HK2: variants seen among roughly 807,000 people sequenced by gnomAD.
The protein encoded by HK2 is hexokinase 2, also known as hexokinase-2.
A neutral mutation model predicts 92.9 loss-of-function variants in HK2; 42 were observed. That is an observed-to-expected ratio of 0.45 (90% CI 0.35 to 0.58). HK2 has a LOEUF of 0.58. HK2 is among the 20% of genes least tolerant of loss of function. The probability of loss-of-function intolerance (pLI) is 0.00; values close to 1 mark genes in which losing one functional copy is unlikely to be tolerated. For missense variants in HK2, 978 were observed against 1,245.1 expected (o/e 0.79, Z 3.23); for synonymous variants, 422 against 468.0 (o/e 0.90, Z 1.27).
In HK2 at chr2:74,878,849, A is replaced by G. The variant is rs1372799285; in HGVS notation, c.1193A>G (p.Lys398Arg). The change falls in exon 9 of 18, where the codon AAG (lysine) becomes AGG (arginine). Residue 398 changes from lysine (K) to arginine (R), a missense_variant. Lys to Arg is a conservative substitution (Grantham distance 26, BLOSUM62 2). Transcript: ENST00000290573. ...CTGGCCGCCGTGCTGCAGCGCATCA[A>G]GGAGAACAAAGGCGAGGAGCGGCTG... ...ATLAAVLQRI[K>R]ENKGEERLRS... is the part of the protein sequence containing the mutation. The G allele has an allele frequency of 2.6e-6, 4 of 1,554,076 alleles. No homozygotes were observed. The highest frequency in any genetic ancestry group is 1.2e-5 in the South Asian group (1 of 84,322).
intron 9 of HK2, 139 bp from the exon 10 acceptor site, chr2:74,880,126 G>T (rs947007117): frequency 1.1e-6 from 1 of 892,292 alleles, no homozygotes; most frequent in Non-Finnish European, 1.8e-6. Context: ...GGACAGTGGA[G>T]AGAGGATGTT....
intron 1 of HK2, 133 bp from the exon 2 acceptor site, chr2:74,854,160 T>C: frequency 1.2e-6 from 1 of 869,350 alleles, no homozygotes; most frequent in Non-Finnish European, 1.9e-6. Flanking sequence ...TTCCTACTAA[T>C]GGTCTTTAAT....
Position 74,889,366 on chromosome 2 carries a change from C to A in HK2, c.2497C>A (p.Leu833Ile). The stretch of plus-strand genomic sequence containing the variant: ...TGTGGTGGCCCGGCGGGCAGCCCAG[C>A]TCTGTGGCGCAGGCATGGCCGCTGT... ...CTVVARRAAQ[L>I]CGAGMAAVVD... The change falls in exon 17 of 18, where the codon CTC becomes ATC. Residue 833 changes from leucine to isoleucine, a missense_variant. Transcript: ENST00000290573. 6.2e-7 allele frequency: 1 copy of A among 1,614,196 alleles called. No individual in the cohort carries two copies. Among genetic ancestry groups the A allele is most frequent in the South Asian group, 1.1e-5 (1 of 91,082 alleles).
At chr2:74,889,967 C>T (rs756525453) in intron 17 of HK2, among the ~76,000 whole-genome samples, 3 of 152,172 alleles carry the variant, frequency 2.0e-5, no homozygotes, top group Admixed American at 6.5e-5. Flanking sequence ...TTTTTTCTAT[C>T]GTTGAGGTGA....
chr2:74,882,161 G>T lies in HK2; in HGVS notation c.1761G>T (p.Glu587Asp), dbSNP rs1689411810. 1 of 1,614,194 alleles carries T rather than the reference G, an allele frequency of 6.2e-7. No individual in the cohort carries two copies. The highest frequency in any genetic ancestry group is 2.2e-5 in the East Asian group (1 of 44,870). The change falls in exon 12 of 18, where the codon GAG becomes GAT. Residue 587 changes from glutamate to aspartate, a missense_variant. Transcript: ENST00000290573. The part of the protein sequence containing the change: ...HIVQCIADFL[E>D]YMGMKGVSLP... The stretch of plus-strand genomic sequence containing the variant: ...TCCAGTGCATCGCGGACTTCCTCGA[G>T]TACATGGGCATGAAGGGCGTGTCCC...
At chr2:74,839,559 G>A (rs1171183701) in intron 1 of HK2, among the ~76,000 whole-genome samples, 4 of 151,968 alleles carry the variant, frequency 2.6e-5, no homozygotes, top group African/African-American at 9.7e-5. Flanking sequence ...TTAACCATCC[G>A]TTTGTTTTAT....
chr2:74,853,675 A>G (rs1002806430), intron 1 of HK2, among the ~76,000 whole-genome samples: 1 of 151,678 alleles, frequency 6.6e-6, no homozygotes, highest in Non-Finnish European at 1.5e-5. Context: ...TCCAGCCTGG[A>G]CAACTGGAGC....
intron 10 of HK2, 67 bp downstream of exon 10, chr2:74,880,636 G>A: frequency 1.3e-6 from 2 of 1,486,372 alleles, no homozygotes; most frequent in East Asian, 4.7e-5. Flanking sequence ...ACCCTGGGAG[G>A]GATCCCTTAG....
At position 74,892,780 on chromosome 2, in the gene HK2, C is replaced by G. The variant is rs1299679777; in HGVS notation, c.*1839C>G. ...TGGGTGTAATTAGGTGAAAACAGCC[C>G]AGGTCCTCCCGGGAGCACAGAGGGG... On this transcript the variant is annotated 3_prime_UTR_variant, in exon 18 of 18. Transcript: ENST00000290573. 1.3e-5 allele frequency: 2 copies of G among 152,158 alleles called. No homozygotes were observed. The highest frequency in any genetic ancestry group is 1.3e-4 in the Admixed American group (2 of 15,278). The allele number at this position is 152,158 out of a possible 1,614,324, so 9.4% of individuals were successfully genotyped here. A position where few individuals can be genotyped will look rare whatever the true frequency, so the allele number is the denominator to read the frequency against.
chr2:74,850,463 T>C (rs1482270537), intron 1 of HK2, among the ~76,000 whole-genome samples: 2 of 152,172 alleles, frequency 1.3e-5, no homozygotes, highest in African/African-American at 4.8e-5. Context: ...TGACTATCAA[T>C]TGGGTGGAGA....
intron 3 of HK2, among the ~76,000 whole-genome samples, chr2:74,868,778 C>T (rs977263747): frequency 1.3e-5 from 2 of 152,130 alleles, no homozygotes; most frequent in African/African-American, 4.8e-5. Context: ...AACAAAATAA[C>T]ATCTAAAGTT....
At chr2:74,838,527 G>A (rs953443341) in intron 1 of HK2, among the ~76,000 whole-genome samples, 1 of 149,628 alleles carries the variant, frequency 6.7e-6, no homozygotes, top group Non-Finnish European at 1.5e-5. Flanking sequence ...AGAGATGGAA[G>A]ATTCTTTCTA....
chr2:74,874,019 C>T (rs1689163850), intron 6 of HK2, 76 bp downstream of exon 6: 2 of 1,175,400 alleles, frequency 1.7e-6, no homozygotes, highest in Non-Finnish European at 2.5e-6. Context: ...AGAAGGGGCC[C>T]ATGGGCTGGG....
At chr2:74,852,316 G>A (rs1392540602) in intron 1 of HK2, among the ~76,000 whole-genome samples, 1 of 152,222 alleles carries the variant, frequency 6.6e-6, no homozygotes. Context: ...GGGCCAGTCA[G>A]TGTCTCATTG....
intron 12 of HK2, among the ~76,000 whole-genome samples, chr2:74,883,793 CTTA>C (rs1689458012): frequency 6.6e-6 from 1 of 152,160 alleles, no homozygotes; most frequent in East Asian, 1.9e-4. Flanking sequence ...TGGACCATTA[CTTA>C]TTATAACAAA....
intron 2 of HK2, among the ~76,000 whole-genome samples, chr2:74,866,649 G>C (rs548426295): frequency 1.3e-5 from 2 of 152,296 alleles, no homozygotes; most frequent in South Asian, 4.1e-4. Context: ...ACACATGACA[G>C]TCTTCACCCA....
intron 16 of HK2, among the ~76,000 whole-genome samples, chr2:74,888,918 C>A (rs1001654547): frequency 4.6e-5 from 7 of 152,124 alleles, no homozygotes; most frequent in Non-Finnish European, 7.3e-5. Flanking sequence ...AGAAAATGGA[C>A]ATGAAAGAGC....
chr2:74,873,502 T>C (rs990671329), intron 5 of HK2, 131 bp downstream of exon 5: 2 of 660,012 alleles, frequency 3.0e-6, no homozygotes, highest in African/African-American at 3.6e-5. Flanking sequence ...CCCTGACACA[T>C]GTACTCAATA....
chr2:74,882,714 A>G (rs1380333789), intron 12 of HK2, among the ~76,000 whole-genome samples: 1 of 150,020 alleles, frequency 6.7e-6, no homozygotes, highest in Non-Finnish European at 1.5e-5. Flanking sequence ...TATAAGAGAT[A>G]TGTTTGAATA....
Sources: gnomAD v4.1 joint callset for allele counts (sites outside exome capture counted in the v4.1 genomes callset) on GRCh38, gnomAD v4.1.1 for gene constraint, MANE v1.5 for transcripts, NCBI Gene and HGNC (gene_info 2026-07-23, HGNC 2026-07-21) for gene names.